ADGRA3: variants seen among roughly 807,000 people sequenced by gnomAD.
The protein encoded by ADGRA3 is G-protein coupled receptor 125.
In ADGRA3, 56 loss-of-function variants were observed where a neutral mutation model predicts 119.8. The ratio of observed to expected loss-of-function variants is 0.47; its 90% confidence interval spans 0.38 to 0.58. The LOEUF (loss-of-function observed/expected upper bound fraction) is 0.58, where lower values mean the gene tolerates loss of function less well. ADGRA3 is among the 20% of genes least tolerant of loss of function. The probability of loss-of-function intolerance (pLI) is 0.00; values close to 1 mark genes in which losing one functional copy is unlikely to be tolerated. For missense variants in ADGRA3, 1,516 were observed against 1,649.0 expected, an observed-to-expected ratio of 0.92 and a Z score of 1.40; for synonymous variants, 607 against 623.8, an observed-to-expected ratio of 0.97 and a Z score of 0.40.
At position 22,445,120 on chromosome 4, in the gene ADGRA3, C is replaced by G. The variant is rs771978768; in HGVS notation, c.559G>C (p.Glu187Gln). 3.7e-6 allele frequency: 6 copies of G among 1,613,666 alleles called. No individual in the cohort carries two copies. The highest frequency in any genetic ancestry group is 5.1e-6 in the Non-Finnish European group (6 of 1,179,652). ...ATGTTACAGTCACACAAAAGATACT[C>G]AGTCTGGAATTCCCTGTAACATGCA... ...ASLRSLEFQT[E>Q]YLLCDCNILW... The change falls in exon 6 of 19, where the codon GAG becomes CAG. Residue 187 changes from glutamate (E) to glutamine (Q), a missense_variant. By Grantham distance (29) the Glu-to-Gln change is conservative. Transcript: ENST00000334304.
At chr4:22,427,427 TG>T (rs941135589) in intron 10 of ADGRA3, among the ~76,000 whole-genome samples, 11 of 151,882 alleles carry the variant, frequency 7.2e-5, no homozygotes, top group African/African-American at 2.7e-4. Context: ...TGCTAGATAA[TG>T]CCAGTAAAGA....
intron 1 of ADGRA3, among the ~76,000 whole-genome samples, chr4:22,480,767 G>C (rs959498886): frequency 1.3e-5 from 2 of 152,146 alleles, no homozygotes; most frequent in Admixed American, 6.5e-5. Flanking sequence ...GGACTTTATG[G>C]AATTCTTTTG....
At chr4:22,488,883 G>C (rs1385825901) in intron 1 of ADGRA3, among the ~76,000 whole-genome samples, 1 of 152,064 alleles carries the variant, frequency 6.6e-6, no homozygotes, top group Non-Finnish European at 1.5e-5. Context: ...AAGGAGAAGA[G>C]TGGCAATAAT....
At chr4:22,441,180 G>C (rs556349888) in intron 7 of ADGRA3, among the ~76,000 whole-genome samples, 1 of 152,238 alleles carries the variant, frequency 6.6e-6, no homozygotes, top group East Asian at 1.9e-4. Context: ...AAAATCAGAA[G>C]ACAGAGGTAG....
At chr4:22,478,056 A>G (rs571893054) in intron 1 of ADGRA3, 52 of 152,328 alleles carry the variant, frequency 3.4e-4, no homozygotes, top group African/African-American at 1.2e-3. Flanking sequence ...CATAAAGCTT[A>G]TATACACCCA....
chr4:22,416,688 T>C (rs1413919452), intron 12 of ADGRA3, among the ~76,000 whole-genome samples: 1 of 152,118 alleles, frequency 6.6e-6, no homozygotes, highest in Non-Finnish European at 1.5e-5. Context: ...AAGAATAATC[T>C]AGAACGTCAT....
chr4:22,415,346 TTTTAG>T (rs572435736), intron 12 of ADGRA3, among the ~76,000 whole-genome samples: 73 of 152,290 alleles, frequency 4.8e-4, no homozygotes, highest in African/African-American at 1.7e-3. Flanking sequence ...AATGTAAGTA[TTTTAG>T]ATGTTTGTAT....
intron 14 of ADGRA3, among the ~76,000 whole-genome samples, chr4:22,409,638 A>T (rs964686116): frequency 2.6e-5 from 4 of 152,176 alleles, no homozygotes; most frequent in African/African-American, 7.2e-5. Flanking sequence ...TGGCTGACAC[A>T]TAAGTGCTTA....
At chr4:22,460,213 AGCGCCT>A (rs946336139) in intron 3 of ADGRA3, among the ~76,000 whole-genome samples, 14 of 152,294 alleles carry the variant, frequency 9.2e-5, no homozygotes, top group African/African-American at 2.9e-4. Context: ...AACCTGTTAC[AGCGCCT>A]GTGTGTGCGT....
chr4:22,510,627 C>G (rs190463112), intron 1 of ADGRA3, among the ~76,000 whole-genome samples: 1 of 152,100 alleles, frequency 6.6e-6, no homozygotes, highest in African/African-American at 2.4e-5. Flanking sequence ...CTCCACTATT[C>G]GTCCGATACC....
In ADGRA3 at chr4:22,438,321, C is replaced by A. The variant is rs902254301; in HGVS notation, c.1020G>T (p.Val340=). 30 of 1,612,408 alleles carry A rather than the reference C, an allele frequency of 1.9e-5. No individual in the cohort carries two copies. Among genetic ancestry groups the A allele is most frequent in the Admixed American group, 1.7e-5 (1 of 59,990 alleles). The part of the protein sequence containing the change: ...RGNNTRTVDI[V]VLESSAQYCP... The stretch of plus-strand genomic sequence containing the variant: ...AGTACTGTGCAGAACTCTCTAATAC[C>A]ACAATATCCACAGTCCTCGTATTAT... Residue 340 remains valine (V), a synonymous_variant, in exon 8 of 19, where the codon GTG becomes GTT. Transcript: ENST00000334304.
At chr4:22,464,368 G>GA (rs1464987038) in intron 2 of ADGRA3, among the ~76,000 whole-genome samples, 1 of 152,088 alleles carries the variant, frequency 6.6e-6, no homozygotes, top group Non-Finnish European at 1.5e-5. Context: ...GAAGCTTCAC[G>GA]AAATACATTT....
intron 2 of ADGRA3, among the ~76,000 whole-genome samples, chr4:22,472,008 G>A (rs1717872698): frequency 6.6e-6 from 1 of 152,116 alleles, no homozygotes; most frequent in East Asian, 1.9e-4. Context: ...TAGCTATGCT[G>A]TCTATACTTT....
At position 22,423,865 on chromosome 4, in the gene ADGRA3, A is replaced by G. The variant is rs540417324; in HGVS notation, c.1605+326T>C. ...TGCAGAAACACTTTCGGTGGATTAG[A>G]TGGTGATAAACATTCAAATTAAAGA... On this transcript the variant is annotated intron_variant, in intron 11 of 18. Transcript: ENST00000334304. Among the ~76,000 whole-genome samples, 41 of 152,340 alleles carry G rather than the reference A, an allele frequency of 2.7e-4. No homozygotes were observed. In the East Asian group the frequency reaches 7.5e-3, roughly 28 times the overall value.
intron 2 of ADGRA3, among the ~76,000 whole-genome samples, chr4:22,466,687 T>C (rs750189757): frequency 4.6e-5 from 7 of 151,974 alleles, no homozygotes; most frequent in African/African-American, 7.3e-5. Context: ...GCACTCCAGC[T>C]TGGCGACAGA....
At chr4:22,508,196 A>G (rs1007544339) in intron 1 of ADGRA3, among the ~76,000 whole-genome samples, 3 of 152,198 alleles carry the variant, frequency 2.0e-5, no homozygotes, top group Admixed American at 2.0e-4. Context: ...ACTAATAGCT[A>G]CCTGGGTTCA....
chr4:22,427,288 T>C (rs1012616422), intron 10 of ADGRA3, among the ~76,000 whole-genome samples: 2 of 152,150 alleles, frequency 1.3e-5, no homozygotes, highest in South Asian at 2.1e-4. Context: ...ACTAAACTTA[T>C]TGTTTAATAC....
chr4:22,409,395 C>T (rs182028518), intron 14 of ADGRA3, among the ~76,000 whole-genome samples: 3 of 152,134 alleles, frequency 2.0e-5, no homozygotes, highest in East Asian at 1.9e-4. Flanking sequence ...TGAGGAAACT[C>T]GTATATTGAG....
chr4:22,435,404 T>G lies in ADGRA3; in HGVS notation c.1350A>C (p.Glu450Asp). Reference sequence around the variant, plus strand: ...CCATTTTGTCAGAAAAGTTGGCTGCTTCCACAGTGTAAGCCAGTAACTGTC... The same window carrying G: ...CCATTTTGTCAGAAAAGTTGGCTGCGTCCACAGTGTAAGCCAGTAACTGTC... ...TARQLLAYTV[E>D]AANFSDKMDV... Residue 450 changes from glutamate to aspartate, a missense_variant, in exon 10 of 19, where the codon GAA becomes GAC. Physicochemically the swap from Glu to Asp is conservative, Grantham distance 45. Transcript: ENST00000334304. 1 of 1,613,660 alleles carries G rather than the reference T, an allele frequency of 6.2e-7. No homozygotes were observed. The highest frequency in any genetic ancestry group is 1.1e-5 in the South Asian group (1 of 91,050).
Sources: allele counts gnomAD v4.1 joint callset (sites outside exome capture counted in the v4.1 genomes callset), GRCh38; gene constraint gnomAD v4.1.1; transcripts MANE v1.5; gene names NCBI Gene and HGNC (gene_info 2026-07-23, HGNC 2026-07-21).